ZNF462: variants seen among roughly 807,000 people sequenced by gnomAD.
ZNF462 encodes zinc finger protein 462.
Under a neutral mutation model 201.9 loss-of-function variants are expected in ZNF462, and 10 were observed. That is an observed-to-expected ratio of 0.05 (90% CI 0.03 to 0.08). ZNF462 has a LOEUF of 0.08. Among genes scored for constraint, ZNF462 ranks in the 10% least tolerant of loss-of-function variants. The probability of loss-of-function intolerance (pLI) is 1.00; values close to 1 mark genes in which losing one functional copy is unlikely to be tolerated. For missense variants in ZNF462, 2,523 were observed against 3,168.3 expected (o/e 0.80, Z 4.89); for synonymous variants, 1,227 against 1,193.3 (o/e 1.03, Z -0.58).
chr9:106,971,123 T>C (rs1446382507), intron 7 of ZNF462, among the ~76,000 whole-genome samples: 1 of 152,164 alleles, frequency 6.6e-6, no homozygotes, highest in Non-Finnish European at 1.5e-5. Context: ...TTAAATCACT[T>C]GAGTGTGAAG....
rs1827297712 is a variant in ZNF462, at chr9:106,865,652, T to C, written c.-31+2297T>C. Among the ~76,000 whole-genome samples the C allele has an allele frequency of 6.6e-6, 1 of 152,192 alleles. No homozygotes were observed. Among genetic ancestry groups the C allele is most frequent in the South Asian group, 2.1e-4 (1 of 4,832 alleles). The stretch of plus-strand genomic sequence containing the variant: ...GGCTAATTTTTTCTGTGTTCTGAAG[T>C]ACTCTTAAGTCTTCAGAAATATCAG... On this transcript the variant is annotated intron_variant, in intron 1 of 12. Coordinates refer to ENST00000277225, the MANE Select transcript of ZNF462 (RefSeq NM_021224.6). The surrounding 1 kb of genome is among the most constrained non-coding windows in gnomAD (Gnocchi z 4.1).
At chr9:106,931,993 T>C (rs994250853) in intron 4 of ZNF462, among the ~76,000 whole-genome samples, 1 of 152,220 alleles carries the variant, frequency 6.6e-6, no homozygotes, top group Admixed American at 6.5e-5. Context: ...GTGAGTGAAG[T>C]GTCTTCAGAG....
intron 1 of ZNF462, among the ~76,000 whole-genome samples, chr9:106,891,675 T>C (rs1487636473): frequency 6.6e-6 from 1 of 152,206 alleles, no homozygotes; most frequent in Non-Finnish European, 1.5e-5. Flanking sequence ...GAAATCACTT[T>C]TGCAAGTTCT....
rs181526229 is a variant in ZNF462 at position 107,007,564 on chromosome 9, C to T, written c.7190-1981C>T. 4.7e-3 allele frequency among the ~76,000 whole-genome samples: 718 copies of T among 152,334 alleles called. 8 individuals are homozygous for T. Among genetic ancestry groups the T allele is most frequent in the African/African-American group, 0.017 (694 of 41,586 alleles). On this transcript the variant is annotated intron_variant, in intron 11 of 12. Coordinates refer to ENST00000277225, the MANE Select transcript of ZNF462 (RefSeq NM_021224.6). ...AGTCACATTAATGGGAATTACAAGC[C>T]TAAACCTTCCCTTCCCCCTCGCCGA... is the stretch of plus-strand genomic sequence containing the variant.
chr9:106,940,753 T>G (rs1830833605), intron 7 of ZNF462, among the ~76,000 whole-genome samples: 1 of 149,088 alleles, frequency 6.7e-6, no homozygotes, highest in South Asian at 2.2e-4. Context: ...GCCTGTAGTG[T>G]TTTTTTTTTC....
At chr9:106,959,743 ACT>A (rs1189156301) in intron 7 of ZNF462, among the ~76,000 whole-genome samples, 1 of 152,192 alleles carries the variant, frequency 6.6e-6, no homozygotes, top group African/African-American at 2.4e-5. Context: ...GCAACAAGAG[ACT>A]TTACAAAAAA....
chr9:106,863,820 AG>A (rs1827165266), intron 1 of ZNF462, among the ~76,000 whole-genome samples: 1 of 93,946 alleles, frequency 1.1e-5, no homozygotes, highest in Non-Finnish European at 2.1e-5. Flanking sequence ...GTAGGGACAG[AG>A]GGGGGCGGAG....
In ZNF462 at chr9:106,974,378, C is replaced by G. The variant is rs544007463; in HGVS notation, c.6832+105C>G. 5.0e-5 allele frequency: 77 copies of G among 1,539,008 alleles called. No homozygotes were observed. The East Asian group carries it at 1.7e-3, about 33-fold the overall frequency. On this transcript the variant is annotated intron_variant, in intron 9 of 12. Transcript: ENST00000277225. This position sits in a 1 kb window ranked among gnomAD's most constrained non-coding sequence, Gnocchi z 4.0. ...GTGGCAGTAGCACCTGTGCCTTGTT[C>G]CTCACCTTATCTTCAGGCAAGAAAC...
At chr9:106,992,824 A>G (rs1026197356) in intron 10 of ZNF462, among the ~76,000 whole-genome samples, 2 of 152,112 alleles carry the variant, frequency 1.3e-5, no homozygotes, top group African/African-American at 4.8e-5. Context: ...GATAAATTTT[A>G]TGGTAGGTAA....
At chr9:106,908,071 T>A (rs971010874) in intron 1 of ZNF462, among the ~76,000 whole-genome samples, 1 of 152,136 alleles carries the variant, frequency 6.6e-6, no homozygotes, top group Non-Finnish European at 1.5e-5. Flanking sequence ...TACTATTTTT[T>A]AAATTTGTAA....
Position 106,876,255 on chromosome 9 carries a change from A to G in ZNF462, c.-31+12900A>G, listed in dbSNP as rs1441785085. ...TATAATTTGAATCTGTAGAACTAAC[A>G]TAAGGATTAAAAAATAATATGTGTC... On this transcript the variant is annotated intron_variant, in intron 1 of 12. Coordinates refer to ENST00000277225, the MANE Select transcript of ZNF462 (RefSeq NM_021224.6). This position sits in a 1 kb window ranked among gnomAD's most constrained non-coding sequence, Gnocchi z 4.9. Among the ~76,000 whole-genome samples the G allele has an allele frequency of 1.3e-5, 2 of 152,224 alleles. No homozygotes were observed. Among genetic ancestry groups the G allele is most frequent in the Admixed American group, 6.5e-5 (1 of 15,288 alleles).
chr9:106,892,204 G>A (rs1828608489), intron 1 of ZNF462, among the ~76,000 whole-genome samples: 1 of 152,168 alleles, frequency 6.6e-6, no homozygotes, highest in Non-Finnish European at 1.5e-5. Context: ...AACTACAGCT[G>A]TGAGAAAATC....
At position 106,977,029 on chromosome 9, in the gene ZNF462, C is replaced by T. The variant is rs1313342179; in HGVS notation, c.6832+2756C>T. ...TTCTAGTAGCTGTGGCGGCTGAGTT[C>T]AAAGACAGAATTATCAGAGGAGGTC... On this transcript the variant is annotated intron_variant, in intron 9 of 12. Coordinates refer to ENST00000277225, the MANE Select transcript of ZNF462 (RefSeq NM_021224.6). The surrounding 1 kb of genome is among the most constrained non-coding windows in gnomAD (Gnocchi z 4.6). Among the ~76,000 whole-genome samples, 1 of 152,066 alleles carries T rather than the reference C, an allele frequency of 6.6e-6. No individual in the cohort carries two copies. The highest frequency in any genetic ancestry group is 1.5e-5 in the Non-Finnish European group (1 of 68,012).
Position 106,929,699 on chromosome 9 carries a change from A to G in ZNF462, c.5787A>G (p.Lys1929=). 1.2e-6 allele frequency: 2 copies of G among 1,614,166 alleles called. No homozygotes were observed. The highest frequency in any genetic ancestry group is 1.7e-6 in the Non-Finnish European group (2 of 1,180,022). Residue 1929 remains lysine, a synonymous_variant, in exon 3 of 13, where the codon AAA becomes AAG. Transcript: ENST00000277225. This position sits in a 1 kb window ranked among gnomAD's most constrained non-coding sequence, Gnocchi z 8.7. ...GTGCCAAACGTCAGGAGAGGAGGAA[A>G]CAGCTTTTGAGCAAGCAGAAATATG... ...QKRAKRQERR[K]QLLSKQKYAD...
rs1828024332 is a variant in ZNF462, at chr9:106,880,076, G to A, written c.-31+16721G>A. 6.6e-6 allele frequency among the ~76,000 whole-genome samples: 1 copy of A among 152,158 alleles called. No homozygotes were observed. Among genetic ancestry groups the A allele is most frequent in the African/African-American group, 2.4e-5 (1 of 41,416 alleles). ...GTTCTATATGCATTCAAGGCATGGA[G>A]TATTCCAGAGCTTTCCTAGGAATGG... On this transcript the variant is annotated intron_variant, in intron 1 of 12. Coordinates refer to ENST00000277225, the MANE Select transcript of ZNF462 (RefSeq NM_021224.6). This position sits in a 1 kb window ranked among gnomAD's most constrained non-coding sequence, Gnocchi z 4.1.
At chr9:106,949,022 T>C (rs1831228264) in intron 7 of ZNF462, among the ~76,000 whole-genome samples, 1 of 152,196 alleles carries the variant, frequency 6.6e-6, no homozygotes, top group East Asian at 1.9e-4. Context: ...TGAGACTTAA[T>C]ACATTTACAG....
At chr9:106,951,593 TA>T (rs1831351225) in intron 7 of ZNF462, among the ~76,000 whole-genome samples, 1 of 152,124 alleles carries the variant, frequency 6.6e-6, no homozygotes, top group Non-Finnish European at 1.5e-5. Context: ...CCACTGTTAA[TA>T]AAGTACTGAG....
At chr9:106,998,214 A>G (rs1330234666) in intron 10 of ZNF462, among the ~76,000 whole-genome samples, 1 of 152,140 alleles carries the variant, frequency 6.6e-6, no homozygotes, top group Non-Finnish European at 1.5e-5. Context: ...TAAGAGGGGC[A>G]ACCTTAGAGT....
chr9:107,009,028 A>G lies in ZNF462; in HGVS notation c.7190-517A>G, dbSNP rs2132769358. Among the ~76,000 whole-genome samples the G allele has an allele frequency of 6.6e-6, 1 of 152,314 alleles. No homozygotes were observed. The highest frequency in any genetic ancestry group is 2.1e-4 in the South Asian group (1 of 4,822). ...TTGATTATAATGTCTATGATGGATG[A>G]CCACAAGTCATGAGCCTTCAGCCTT... On this transcript the variant is annotated intron_variant, in intron 11 of 12. Transcript: ENST00000277225. The surrounding 1 kb of genome is among the most constrained non-coding windows in gnomAD (Gnocchi z 6.1).
Sources: gnomAD v4.1 joint callset for allele counts (sites outside exome capture counted in the v4.1 genomes callset) on GRCh38, gnomAD v4.1.1 for gene constraint, Gnocchi (gnomAD v3.1) non-coding constraint, MANE v1.5 for transcripts, NCBI Gene and HGNC (gene_info 2026-07-23, HGNC 2026-07-21) for gene names.